Variants in TGS1 observed in about 807,000 individuals in gnomAD.
TGS1 encodes the protein trimethylguanosine synthase.
Under a neutral mutation model 92.2 loss-of-function variants are expected in TGS1, and 69 were observed. The observed-to-expected ratio is 0.75, with a 90% CI of 0.62 to 0.91. The LOEUF (loss-of-function observed/expected upper bound fraction) is 0.91. TGS1 is among the 40% of genes least tolerant of loss of function. TGS1 has a pLI of 0.00. For missense variants in TGS1, 1,062 were observed against 1,001.2 expected, an observed-to-expected ratio of 1.06 and a Z score of -0.82; for synonymous variants, 345 against 338.1, an observed-to-expected ratio of 1.02 and a Z score of -0.22.
At position 55,773,596 on chromosome 8, in the gene TGS1, A is replaced by G. The variant is rs773877425; in HGVS notation, c.-23A>G. The G allele has an allele frequency of 6.3e-7, 1 of 1,595,218 alleles. No homozygotes were observed. The highest frequency in any genetic ancestry group is 1.3e-5 in the African/African-American group (1 of 74,192). On this transcript the variant is annotated 5_prime_UTR_variant, in exon 1 of 13. Transcript: ENST00000260129. ...AGGCGCGACCCGGGCTGCGTACGTC[A>G]GAGCTGCCTCCGAAGTGGTAAAATG...
At position 55,817,518 on chromosome 8, in the gene TGS1, A is replaced by G. The variant is rs192353031; in HGVS notation, c.2439+4400A>G. Among the ~76,000 whole-genome samples the G allele has an allele frequency of 6.4e-4, 97 of 152,348 alleles. 1 individual carries two copies. Among genetic ancestry groups the G allele is most frequent in the African/African-American group, 2.2e-3 (92 of 41,590 alleles). On this transcript the variant is annotated intron_variant, in intron 12 of 12. Coordinates refer to ENST00000260129, the MANE Select transcript of TGS1 (RefSeq NM_024831.8). ...GTGGTTTTGGCTAAATACAATAAAA[A>G]TTTATCACAGATTTCTTTGCAAATA...
Position 55,786,552 on chromosome 8 carries a change from T to G in TGS1, c.654T>G (p.His218Gln). 1 of 1,614,160 alleles carries G rather than the reference T, an allele frequency of 6.2e-7. No homozygotes were observed. The highest frequency in any genetic ancestry group is 8.5e-7 in the Non-Finnish European group (1 of 1,180,022). ...TGTGGCAAAGTTGGCAAGAAAAACATCCGGGTCAAGCACTATCTTCTGAAC... is the reference window on the plus strand; with the variant it reads ...TGTGGCAAAGTTGGCAAGAAAAACAGCCGGGTCAAGCACTATCTTCTGAAC... ...GLLWQSWQEK[H>Q]PGQALSSEPW... The change falls in exon 4 of 13, where the codon CAT becomes CAG. Residue 218 changes from histidine to glutamine, a missense_variant. By Grantham distance (24) the His-to-Gln change is conservative (BLOSUM62 0). Coordinates refer to ENST00000260129, the MANE Select transcript of TGS1 (RefSeq NM_024831.8).
At position 55,824,676 on chromosome 8, in the gene TGS1, A is replaced by T. The variant is rs1803743348; in HGVS notation, c.2535A>T (p.Leu845=). The T allele has an allele frequency of 3.7e-6, 6 of 1,614,196 alleles. No individual in the cohort carries two copies. Among genetic ancestry groups the T allele is most frequent in the Non-Finnish European group, 5.1e-6 (6 of 1,180,032 alleles). Residue 845 remains leucine, a synonymous_variant, in exon 13 of 13, where the codon CTA becomes CTT. Coordinates refer to ENST00000260129, the MANE Select transcript of TGS1 (RefSeq NM_024831.8). The part of the protein sequence containing the change: ...LKTITAYFGD[L]IRRPASET ...CAATCACTGCATATTTTGGTGACCT[A>T]ATTCGAAGACCAGCCTCTGAAACCT...
chr8:55,823,347 C>G (rs1803702957), intron 12 of TGS1, among the ~76,000 whole-genome samples: 1 of 152,212 alleles, frequency 6.6e-6, no homozygotes, highest in Non-Finnish European at 1.5e-5. Flanking sequence ...CCCCATCCCC[C>G]TGTCAAATGC....
At chr8:55,775,258 A>G (rs1442465777) in intron 1 of TGS1, among the ~76,000 whole-genome samples, 1 of 150,888 alleles carries the variant, frequency 6.6e-6, no homozygotes, top group African/African-American at 2.5e-5. Flanking sequence ...AAAAGAAAAG[A>G]AAAGAAAGAA....
chr8:55,810,190 C>T (rs1358044706), intron 10 of TGS1, among the ~76,000 whole-genome samples: 1 of 152,180 alleles, frequency 6.6e-6, no homozygotes, highest in East Asian at 1.9e-4. Flanking sequence ...GCCATTAACA[C>T]AGTAGTGCAC....
chr8:55,790,302 A>G lies in TGS1; in HGVS notation c.1280+3A>G. On this transcript the variant is annotated splice_donor_region_variant and intron_variant, in intron 5 of 12. Coordinates refer to ENST00000260129, the MANE Select transcript of TGS1 (RefSeq NM_024831.8). ...AAGCCAAGCAAACTGAAGAGGAGGT[A>G]AGTTACATGAGACCCCTCTCACCAG... is the stretch of plus-strand genomic sequence containing the variant. 6.3e-7 allele frequency: 1 copy of G among 1,596,826 alleles called. No individual in the cohort carries two copies. Among genetic ancestry groups the G allele is most frequent in the African/African-American group, 1.3e-5 (1 of 74,680 alleles).
intron 11 of TGS1, among the ~76,000 whole-genome samples, chr8:55,812,554 C>T (rs896957925): frequency 3.3e-5 from 5 of 150,448 alleles, no homozygotes; most frequent in Admixed American, 1.3e-4. Flanking sequence ...TGGTACATGC[C>T]TGTAATCCTG....
intron 1 of TGS1, 28 bp from the exon 2 acceptor site, chr8:55,782,720 A>T: frequency 6.4e-7 from 1 of 1,561,692 alleles, no homozygotes; most frequent in Non-Finnish European, 8.7e-7. Flanking sequence ...AATTCATTTC[A>T]ATATGAACTG....
intron 12 of TGS1, among the ~76,000 whole-genome samples, chr8:55,817,476 G>A (rs893642615): frequency 6.6e-6 from 1 of 152,118 alleles, no homozygotes; most frequent in Non-Finnish European, 1.5e-5. Flanking sequence ...ACTAAATTCA[G>A]TTTATTAGCA....
chr8:55,782,687 C>A (rs1415681177), intron 1 of TGS1, 61 bp from the exon 2 acceptor site: 3 of 1,293,400 alleles, frequency 2.3e-6, no homozygotes, highest in Non-Finnish European at 3.2e-6. Flanking sequence ...CTCGAGATTT[C>A]TTTCCCTCTA....
Position 55,796,014 on chromosome 8 carries a change from C to T in TGS1, c.1404C>T (p.Val468=). 1 of 1,613,394 alleles carries T rather than the reference C, an allele frequency of 6.2e-7. No individual in the cohort carries two copies. Among genetic ancestry groups the T allele is most frequent in the Non-Finnish European group, 8.5e-7 (1 of 1,179,752 alleles). The change falls in exon 7 of 13, where the codon GTC becomes GTT. Residue 468 remains valine (V), a synonymous_variant. Coordinates refer to ENST00000260129, the MANE Select transcript of TGS1 (RefSeq NM_024831.8). ...TCCCAAATTTCAGTCATCGGCAGGT[C>T]AGGTATTTAGAGAAGAATGTGAAGC... The part of the protein sequence containing the change: ...GGIPNFSHRQ[V]RYLEKNVKLK...
At chr8:55,820,316 G>GA (rs1803598774) in intron 12 of TGS1, among the ~76,000 whole-genome samples, 1 of 152,128 alleles carries the variant, frequency 6.6e-6, no homozygotes, top group Non-Finnish European at 1.5e-5. Flanking sequence ...AGAGGCCGAG[G>GA]CGGGCGGATC....
intron 4 of TGS1, 196 bp from the exon 5 acceptor site, chr8:55,789,986 A>G (rs1000768606): frequency 4.1e-6 from 2 of 490,278 alleles, no homozygotes; most frequent in Non-Finnish European, 7.3e-6. Context: ...TTAATTTAAC[A>G]AACCTTATAG....
In TGS1 at chr8:55,799,025, C is replaced by T; in HGVS notation, c.1654C>T (p.Gln552Ter). Residue 552 changes from glutamine to a stop codon, truncating the protein, a stop_gained, in exon 8 of 13, where the codon CAA becomes TAA. Coordinates refer to ENST00000260129, the MANE Select transcript of TGS1 (RefSeq NM_024831.8). LOFTEE classifies it high-confidence loss of function. ...DASTSSDSEE[Q>*]DMSVKKGDDL... is the part of the protein sequence containing the mutation. ...TTCCACAAGTAGTGATTCAGAGGAACAAGACATGTCTGTTAAAAAAGGTGA... is the reference window on the plus strand; with the variant it reads ...TTCCACAAGTAGTGATTCAGAGGAATAAGACATGTCTGTTAAAAAAGGTGA... 1 of 1,614,186 alleles carries T rather than the reference C, an allele frequency of 6.2e-7. No individual in the cohort carries two copies. Among genetic ancestry groups the T allele is most frequent in the Admixed American group, 1.7e-5 (1 of 60,014 alleles).
chr8:55,796,227 T>A, intron 7 of TGS1, 75 bp downstream of exon 7: 1 of 1,170,584 alleles, frequency 8.5e-7, no homozygotes, highest in Non-Finnish European at 1.2e-6. Flanking sequence ...ATTGTTGTAT[T>A]CAAATAGGAA....
intron 8 of TGS1, among the ~76,000 whole-genome samples, chr8:55,801,582 C>CCTTTTTTTTTTTTTTT (rs1214681045): frequency 2.1e-5 from 1 of 48,200 alleles, no homozygotes; most frequent in African/African-American, 9.4e-5. Flanking sequence ...CCCCATCGTT[C>CCTTTTTTTTTTTTTTT]TTTTTTTTTT....
intron 8 of TGS1, among the ~76,000 whole-genome samples, chr8:55,802,189 G>A (rs779306668): frequency 2.6e-5 from 4 of 152,086 alleles, no homozygotes; most frequent in Admixed American, 1.3e-4. Flanking sequence ...GCCAGACTTC[G>A]TCTCTAAATA....
chr8:55,786,794 C>G lies in TGS1; in HGVS notation c.896C>G (p.Pro299Arg). ...KVDLVSFPSS[P>R]IMVDNDSSGT... Reference sequence around the variant, plus strand: ...GACTTAGTATCTTTTCCATCTTCACCTATTATGGTTGATAATGATAGCTCT... The same window carrying G: ...GACTTAGTATCTTTTCCATCTTCACGTATTATGGTTGATAATGATAGCTCT... The change falls in exon 4 of 13, where the codon CCT becomes CGT. Residue 299 changes from proline to arginine, a missense_variant. Physicochemically the swap from Pro to Arg is moderately radical, Grantham distance 103. Transcript: ENST00000260129. 6.2e-7 allele frequency: 1 copy of G among 1,614,114 alleles called. No individual in the cohort carries two copies. The highest frequency in any genetic ancestry group is 8.5e-7 in the Non-Finnish European group (1 of 1,180,014).
Sources: allele counts gnomAD v4.1 joint callset (sites outside exome capture counted in the v4.1 genomes callset), GRCh38; gene constraint gnomAD v4.1.1; transcripts MANE v1.5; gene names NCBI Gene and HGNC (gene_info 2026-07-23, HGNC 2026-07-21).